The following NR6A1 variants were observed in gnomAD, a reference collection of about 807,000 sequenced individuals.
The protein encoded by NR6A1 is retinoic acid receptor-related testis-associated receptor.
In NR6A1, 7 loss-of-function variants were observed where a neutral mutation model predicts 59.1. That is an observed-to-expected ratio of 0.12 (90% CI 0.07 to 0.22). The LOEUF is 0.22. NR6A1 is among the 10% of genes least tolerant of loss of function. The pLI is 1.00. For missense variants in NR6A1, 468 were observed against 611.6 expected (o/e 0.77, Z 2.48); for synonymous variants, 243 against 236.1 (o/e 1.03, Z -0.27).
intron 2 of NR6A1, among the ~76,000 whole-genome samples, chr9:124,590,488 A>G (rs1031988329): frequency 1.3e-5 from 2 of 152,234 alleles, no homozygotes; most frequent in African/African-American, 4.8e-5. Context: ...ACATCTGTTA[A>G]GCAACATTAA....
At chr9:124,686,432 A>G (rs1308887431) in intron 2 of NR6A1, among the ~76,000 whole-genome samples, 1 of 152,198 alleles carries the variant, frequency 6.6e-6, no homozygotes, top group Non-Finnish European at 1.5e-5. Context: ...TCATTCTTCA[A>G]TTTCCATGAA....
At chr9:124,561,386 T>C (rs1170909255) in intron 2 of NR6A1, among the ~76,000 whole-genome samples, 1 of 152,084 alleles carries the variant, frequency 6.6e-6, no homozygotes, top group Non-Finnish European at 1.5e-5. Flanking sequence ...TGCAGTGAGC[T>C]GTGATCATGC....
intron 2 of NR6A1, among the ~76,000 whole-genome samples, chr9:124,682,410 G>A (rs968285299): frequency 6.6e-5 from 10 of 151,974 alleles, no homozygotes; most frequent in African/African-American, 2.2e-4. Context: ...ATATATCTAC[G>A]TAAAACCAGA....
At chr9:124,548,040 AC>A (rs1489993386) in intron 3 of NR6A1, among the ~76,000 whole-genome samples, 1 of 151,154 alleles carries the variant, frequency 6.6e-6, no homozygotes, top group Admixed American at 6.6e-5. Flanking sequence ...CCTATGCCTC[AC>A]TCTCAAATGG....
At chr9:124,611,173 C>CAAA (rs11405761) in intron 2 of NR6A1, among the ~76,000 whole-genome samples, 1 of 134,454 alleles carries the variant, frequency 7.4e-6, no homozygotes, top group Non-Finnish European at 1.6e-5. Flanking sequence ...CTTCCCTTAC[C>CAAA]AAAAAAAAAA....
intron 2 of NR6A1, among the ~76,000 whole-genome samples, chr9:124,726,537 C>T (rs1839723120): frequency 6.6e-6 from 1 of 152,200 alleles, no homozygotes; most frequent in African/African-American, 2.4e-5. Flanking sequence ...CAGATTTTCA[C>T]TTTTGCAATT....
chr9:124,684,916 G>A (rs1205433039), intron 2 of NR6A1, among the ~76,000 whole-genome samples: 1 of 151,822 alleles, frequency 6.6e-6, no homozygotes, highest in Non-Finnish European at 1.5e-5. Flanking sequence ...AGGCTAAGAT[G>A]TTTGACTCAT....
chr9:124,745,816 C>A (rs1290351170), intron 1 of NR6A1, among the ~76,000 whole-genome samples: 1 of 150,882 alleles, frequency 6.6e-6, no homozygotes, highest in Admixed American at 6.6e-5. Context: ...TCCATCTCTA[C>A]TAAAAAATAC....
intron 2 of NR6A1, among the ~76,000 whole-genome samples, chr9:124,716,099 G>A (rs921219607): frequency 1.2e-4 from 19 of 152,156 alleles, no homozygotes; most frequent in African/African-American, 4.6e-4. Context: ...AGCTACTTGG[G>A]AGGCTGAGGC....
intron 2 of NR6A1, among the ~76,000 whole-genome samples, chr9:124,633,220 C>T (rs554156899): frequency 2.6e-5 from 4 of 151,646 alleles, no homozygotes; most frequent in East Asian, 1.9e-4. Flanking sequence ...CTGGCTAACA[C>T]GGTGAAACCC....
In NR6A1 at chr9:124,519,684, A is replaced by C. The variant is rs1286138088; in HGVS notation, c.*3021T>G. On this transcript the variant is annotated 3_prime_UTR_variant, in exon 10 of 10. Coordinates refer to ENST00000487099, the MANE Select transcript of NR6A1 (RefSeq NM_033334.4). ...GGGAGGCCGAGGCAGGCGGATCACG[A>C]GGTCAGGAGATGGAGACCATCCTGG... The C allele has an allele frequency of 1.3e-5, 2 of 152,078 alleles. No individual in the cohort carries two copies. The highest frequency in any genetic ancestry group is 4.8e-5 in the African/African-American group (2 of 41,390). 9.4% of individuals were successfully genotyped at this position (152,078 alleles called of 1,614,324 possible).
intron 2 of NR6A1, among the ~76,000 whole-genome samples, chr9:124,560,071 A>T (rs1325818807): frequency 6.6e-6 from 1 of 152,230 alleles, no homozygotes; most frequent in Non-Finnish European, 1.5e-5. Flanking sequence ...TTACACAACC[A>T]ATCAGGAGTG....
chr9:124,712,426 G>T (rs1161294317), intron 2 of NR6A1, among the ~76,000 whole-genome samples: 2 of 151,952 alleles, frequency 1.3e-5, no homozygotes, highest in Non-Finnish European at 2.9e-5. Context: ...CTGGTCAACA[G>T]GGCGAAACCC....
intron 2 of NR6A1, among the ~76,000 whole-genome samples, chr9:124,613,116 G>A (rs116349895): frequency 0.016 from 2,444 of 152,222 alleles, 73 homozygotes; most frequent in East Asian, 0.15. Flanking sequence ...AGGAAGGATC[G>A]CTTGAGGCCG....
At chr9:124,564,101 A>G (rs1229802747) in intron 2 of NR6A1, among the ~76,000 whole-genome samples, 1 of 152,202 alleles carries the variant, frequency 6.6e-6, no homozygotes, top group Non-Finnish European at 1.5e-5. Context: ...AACAACAACA[A>G]AAAGAAAAAT....
chr9:124,666,272 G>GTTTTTTTTTTTTTTTTTTT (rs1588760705), intron 2 of NR6A1, among the ~76,000 whole-genome samples: 2 of 127,822 alleles, frequency 1.6e-5, no homozygotes, highest in Admixed American at 7.4e-5. Context: ...CCTCTATGTG[G>GTTTTTTTTTTTTTTTTTTT]TTCTTTTTTT....
At position 124,564,681 on chromosome 9, in the gene NR6A1, C is replaced by CTGTGTGTGTG. The variant is rs56301413; in HGVS notation, c.143-10121_143-10112dup. ...TAAGGTCCCATTCAAAATCCACACT[C>CTGTGTGTGTG]TGTGTGTGTGTGTGTGTGTGTGTGT... On this transcript the variant is annotated intron_variant, in intron 2 of 9. Transcript: ENST00000487099. 4.2e-4 allele frequency among the ~76,000 whole-genome samples: 62 copies of CTGTGTGTGTG among 149,278 alleles called. 1 individual carries two copies. Among genetic ancestry groups the CTGTGTGTGTG allele is most frequent in the African/African-American group, 1.3e-3 (52 of 40,660 alleles).
chr9:124,571,372 T>C lies in NR6A1; in HGVS notation c.143-16802A>G, dbSNP rs150182375. On this transcript the variant is annotated intron_variant, in intron 2 of 9. Coordinates refer to ENST00000487099, the MANE Select transcript of NR6A1 (RefSeq NM_033334.4). ...AGGGAGGCTGTGGGCATGGATGCGA[T>C]TGCAGAGGACAGGATATGAAGAGAG... Among the ~76,000 whole-genome samples, 133 of 152,298 alleles carry C rather than the reference T, an allele frequency of 8.7e-4. 2 individuals are homozygous for C. The highest frequency in any genetic ancestry group is 2.5e-3 in the African/African-American group (105 of 41,558).
intron 9 of NR6A1, among the ~76,000 whole-genome samples, chr9:124,523,451 C>T (rs984829216): frequency 6.6e-6 from 1 of 152,066 alleles, no homozygotes; most frequent in Non-Finnish European, 1.5e-5. Flanking sequence ...TTCGAAAACA[C>T]TGATTATCTC....
Sources: allele counts gnomAD v4.1 joint callset (sites outside exome capture counted in the v4.1 genomes callset), GRCh38; gene constraint gnomAD v4.1.1; transcripts MANE v1.5; gene names NCBI Gene and HGNC (gene_info 2026-07-23, HGNC 2026-07-21).